The following TARDBP variants were observed in gnomAD, a reference collection of about 807,000 sequenced individuals.
TARDBP encodes TAR DNA binding protein, also known as TAR DNA-binding protein 43.
TARDBP carries 4 observed loss-of-function variants against 38.3 expected under a neutral mutation model. The observed-to-expected ratio is 0.10, with a 90% CI of 0.05 to 0.24. The LOEUF (loss-of-function observed/expected upper bound fraction) is 0.24. Ranked by LOEUF, TARDBP falls within the 10% of genes least tolerant of loss-of-function variation. The pLI is 1.00. For missense variants in TARDBP, 202 were observed against 521.9 expected (o/e 0.39, Z 5.97); for synonymous variants, 184 against 183.8 (o/e 1.00, Z -0.01).
chr1:11,013,321 A>G (rs970628255), intron 1 of TARDBP, among the ~76,000 whole-genome samples: 1 of 152,252 alleles, frequency 6.6e-6, no homozygotes, highest in East Asian at 1.9e-4. Context: ...TATCACGCCC[A>G]TGCCTCAGCC....
chr1:11,014,326 A>T lies in TARDBP; in HGVS notation c.238+361A>T, dbSNP rs555011891. Among the ~76,000 whole-genome samples the T allele has an allele frequency of 3.2e-4, 48 of 152,374 alleles. No individual in the cohort carries two copies. The East Asian group carries it at 7.5e-3, about 24-fold the overall frequency. On this transcript the variant is annotated intron_variant, in intron 2 of 5. Coordinates refer to ENST00000240185, the MANE Select transcript of TARDBP (RefSeq NM_007375.4). Reference sequence around the variant, plus strand: ...TTGTCCTTTTGGTGTTACATCATTCATTCAGCAAATCTGAGTTCATTTTTT... The same window carrying T: ...TTGTCCTTTTGGTGTTACATCATTCTTTCAGCAAATCTGAGTTCATTTTTT...
downstream of TARDBP, chr1:11,030,009 A>T (rs1430826622): frequency 3.6e-6 from 2 of 560,718 alleles, no homozygotes; most frequent in Non-Finnish European, 6.3e-6. Context: ...CAACCTCTGT[A>T]TATGGGAAGG....
chr1:11,029,764 G>A (rs1257073962), downstream of TARDBP: 3 of 151,240 alleles, frequency 2.0e-5, no homozygotes, highest in Non-Finnish European at 4.3e-5. Context: ...TCAGCCGCTC[G>A]AGTAGCTGGG....
rs766754751 is a variant in TARDBP, at chr1:11,025,007, C to T, written c.*2353C>T. The T allele has an allele frequency of 1.3e-5, 2 of 152,578 alleles. No homozygotes were observed. Among genetic ancestry groups the T allele is most frequent in the Admixed American group, 6.6e-5 (1 of 15,266 alleles). 9.5% of individuals were successfully genotyped at this position (152,578 alleles called of 1,614,324 possible). On this transcript the variant is annotated 3_prime_UTR_variant, in exon 6 of 6. Coordinates refer to ENST00000240185, the MANE Select transcript of TARDBP (RefSeq NM_007375.4). The stretch of plus-strand genomic sequence containing the variant: ...GTAATCGCCACATTGTTTCATTATT[C>T]AGTTTCCTCTGTAAAGGGATCTTGA...
At chr1:11,016,785 G>A (rs1396892522) in intron 2 of TARDBP, 59 bp from the exon 3 acceptor site, 4 of 1,547,180 alleles carry the variant, frequency 2.6e-6, no homozygotes, top group Admixed American at 1.7e-5. Flanking sequence ...GTAGGAGGTA[G>A]TGTTTTTAAA....
chr1:11,021,358 C>T (rs922681515), intron 5 of TARDBP, among the ~76,000 whole-genome samples: 1 of 152,020 alleles, frequency 6.6e-6, no homozygotes, highest in Non-Finnish European at 1.5e-5. Context: ...CCAGGCTGGT[C>T]TCGAACTCCT....
At chr1:11,028,697 GTTTTTTTTC>G (rs1439430874), downstream of TARDBP, among the ~76,000 whole-genome samples, 37 of 36,174 alleles carry the variant, frequency 1.0e-3, no homozygotes, top group African/African-American at 4.1e-3. Context: ...ATCTTTCTGG[GTTTTTTTTC>G]TTTTTTTTTT....
intron 2 of TARDBP, 117 bp from the exon 3 acceptor site, chr1:11,016,727 A>G: frequency 2.8e-6 from 3 of 1,075,234 alleles, no homozygotes; most frequent in Non-Finnish European, 4.1e-6. Flanking sequence ...CCAAGTTTTC[A>G]GTGTCTTATT....
At chr1:11,016,146 G>C (rs976894120) in intron 2 of TARDBP, 11 of 152,102 alleles carry the variant, frequency 7.2e-5, no homozygotes, top group African/African-American at 2.4e-4. Flanking sequence ...TCACCATCTT[G>C]GCCAGGCTGG....
At chr1:11,028,227 A>AT (rs1456778548), downstream of TARDBP, among the ~76,000 whole-genome samples, 1 of 152,078 alleles carries the variant, frequency 6.6e-6, no homozygotes, top group Non-Finnish European at 1.5e-5. Flanking sequence ...CAAAAAAAAA[A>AT]GGAGATTAGG....
Position 11,018,864 on chromosome 1 carries a change from T to C in TARDBP, c.534T>C (p.Pro178=). Reference sequence around the variant, plus strand: ...GACGATGGTGTGACTGCAAACTTCCTAATTCTAAGGTACTTGCGTCTGTGC... The same window carrying C: ...GACGATGGTGTGACTGCAAACTTCCCAATTCTAAGGTACTTGCGTCTGTGC... ...IDGRWCDCKL[P]NSKQSQDEPL... is the part of the protein sequence containing the mutation. Residue 178 remains proline, a synonymous_variant, in exon 4 of 6, where the codon CCT becomes CCC. Coordinates refer to ENST00000240185, the MANE Select transcript of TARDBP (RefSeq NM_007375.4). 1.2e-6 allele frequency: 2 copies of C among 1,614,140 alleles called. No homozygotes were observed. The highest frequency in any genetic ancestry group is 1.7e-6 in the Non-Finnish European group (2 of 1,180,032).
downstream of TARDBP, chr1:11,027,242 T>G (rs142224553): frequency 3.1e-6 from 5 of 1,614,226 alleles, no homozygotes; most frequent in Non-Finnish European, 4.2e-6. Context: ...CAGATGCAGT[T>G]CCAATGTCAT....
At chr1:11,020,072 G>C (rs1238081932) in intron 4 of TARDBP, among the ~76,000 whole-genome samples, 2 of 151,346 alleles carry the variant, frequency 1.3e-5, no homozygotes, top group Admixed American at 1.3e-4. Context: ...TGTTGACCAG[G>C]CTGGTTTGAA....
rs897460106 is a variant in TARDBP, at chr1:11,019,808, C to T, written c.544-621C>T. Among the ~76,000 whole-genome samples, 8 of 151,930 alleles carry T rather than the reference C, an allele frequency of 5.3e-5. No homozygotes were observed. The East Asian group carries it at 9.7e-4, about 18-fold the overall frequency. ...GTCTTGATCTCCTGACTTCATGATC[C>T]GCCCATCTCGGGCTCCCAAAGTGCT... On this transcript the variant is annotated intron_variant, in intron 4 of 5. Transcript: ENST00000240185.
In TARDBP at chr1:11,013,439, C is replaced by T. The variant is rs575773920; in HGVS notation, c.-12-277C>T. 8.3e-5 allele frequency among the ~76,000 whole-genome samples: 6 copies of T among 72,518 alleles called. No homozygotes were observed. In the South Asian group the frequency reaches 2.9e-3, roughly 35 times the overall value. The allele number at this position is 72,518 out of a possible 152,430, so 47.6% of individuals were successfully genotyped here. On this transcript the variant is annotated intron_variant, in intron 1 of 5. Transcript: ENST00000240185. ...CATACCCTAGCTTGTAACCAGCAAG[C>T]CACGTTGGACTCACAGTTACAGTTT...
chr1:11,022,759 T>G lies in TARDBP; in HGVS notation c.*105T>G. 6.7e-7 allele frequency: 1 copy of G among 1,495,002 alleles called. No individual in the cohort carries two copies. The highest frequency in any genetic ancestry group is 8.9e-7 in the Non-Finnish European group (1 of 1,123,502). The allele number at this position is 1,495,002 out of a possible 1,614,324, so 92.6% of individuals were successfully genotyped here. On this transcript the variant is annotated 3_prime_UTR_variant, in exon 6 of 6. Transcript: ENST00000240185. The surrounding 1 kb of genome is among the most constrained non-coding windows in gnomAD (Gnocchi z 4.5). ...ACATATGTACTAAGAATTTTCAAAA[T>G]TGGTTTGTTCAGTGTGGAGTATATT...
chr1:11,027,786 C>T (rs960264628), downstream of TARDBP: 1 of 789,552 alleles, frequency 1.3e-6, no homozygotes, highest in Admixed American at 3.0e-5. Context: ...ACTACCTATA[C>T]AGGCAAGTGA....
downstream of TARDBP, chr1:11,030,260 A>G (rs755084670): frequency 6.2e-7 from 1 of 1,606,648 alleles, no homozygotes; most frequent in South Asian, 1.1e-5. Context: ...CCTGCAAATC[A>G]TTGGAAAAGC....
intron 5 of TARDBP, 129 bp from the exon 6 acceptor site, chr1:11,021,995 T>C: frequency 1.0e-6 from 1 of 1,000,760 alleles, no homozygotes; most frequent in Non-Finnish European, 1.5e-6. Flanking sequence ...TTAAATGAAA[T>C]GAGTGTTCAT....
Sources: gnomAD v4.1 joint callset for allele counts (sites outside exome capture counted in the v4.1 genomes callset) on GRCh38, gnomAD v4.1.1 for gene constraint, Gnocchi (gnomAD v3.1) non-coding constraint, MANE v1.5 for transcripts, NCBI Gene and HGNC (gene_info 2026-07-23, HGNC 2026-07-21) for gene names.